Variants in PRKD1 observed in about 807,000 individuals in gnomAD.
The protein encoded by PRKD1 is serine/threonine-protein kinase D1.
In PRKD1, 63 loss-of-function variants were observed where a neutral mutation model predicts 95.9. The ratio of observed to expected loss-of-function variants is 0.66; its 90% confidence interval spans 0.54 to 0.81. PRKD1 has a LOEUF of 0.81. Ranked by LOEUF, PRKD1 falls within the 30% of genes least tolerant of loss-of-function variation. The pLI, the probability that PRKD1 is intolerant of heterozygous loss-of-function variation, is 0.00. For synonymous variants in PRKD1, 425 were observed against 423.1 expected (o/e 1.00, Z -0.05); for missense variants, 1,048 against 1,165.3 (o/e 0.90, Z 1.47).
At chr14:29,696,394 C>T (rs1250290210) in intron 2 of PRKD1, among the ~76,000 whole-genome samples, 2 of 152,084 alleles carry the variant, frequency 1.3e-5, no homozygotes, top group East Asian at 3.9e-4. Flanking sequence ...ATACGAAAAT[C>T]AAGTTTCCCA....
intron 1 of PRKD1, among the ~76,000 whole-genome samples, chr14:29,794,760 G>T (rs1889735538): frequency 6.6e-6 from 1 of 151,734 alleles, no homozygotes; most frequent in African/African-American, 2.4e-5. Flanking sequence ...CTTCGCTGCT[G>T]TATTTTATTT....
rs543868614 is a variant in PRKD1 at position 29,866,683 on chromosome 14, C to T, written c.264+60566G>A. On this transcript the variant is annotated intron_variant, in intron 1 of 17. Coordinates refer to ENST00000331968, the MANE Select transcript of PRKD1 (RefSeq NM_002742.3). ...TAGAAATGACTTCCAGGAGTTGATG[C>T]TTACAGGATGGATGGGATTTAGACA... Among the ~76,000 whole-genome samples the T allele has an allele frequency of 2.6e-5, 4 of 152,138 alleles. No individual in the cohort carries two copies. In the South Asian group the frequency reaches 8.3e-4, roughly 32 times the overall value.
intron 1 of PRKD1, among the ~76,000 whole-genome samples, chr14:29,900,775 CAAT>C (rs1258056683): frequency 2.6e-5 from 4 of 152,138 alleles, no homozygotes; most frequent in African/African-American, 9.7e-5. Context: ...ATCAAAACCA[CAAT>C]GAGATACCAT....
intron 16 of PRKD1, among the ~76,000 whole-genome samples, chr14:29,590,005 CA>C (rs1180663967): frequency 6.6e-6 from 1 of 152,110 alleles, no homozygotes; most frequent in African/African-American, 2.4e-5. Context: ...ATCTATGAAT[CA>C]GTGCTGGTCT....
At chr14:29,693,901 C>T (rs1884377153) in intron 2 of PRKD1, among the ~76,000 whole-genome samples, 1 of 152,164 alleles carries the variant, frequency 6.6e-6, no homozygotes, top group South Asian at 2.1e-4. Context: ...TAAGATTTTT[C>T]CATAGGCAGA....
At chr14:29,803,654 G>T (rs1468915549) in intron 1 of PRKD1, among the ~76,000 whole-genome samples, 1 of 152,172 alleles carries the variant, frequency 6.6e-6, no homozygotes. Flanking sequence ...GCATCTCATT[G>T]CATGTGAAAG....
At chr14:29,752,593 T>C (rs566153747) in intron 1 of PRKD1, among the ~76,000 whole-genome samples, 2 of 151,118 alleles carry the variant, frequency 1.3e-5, no homozygotes, top group East Asian at 1.9e-4. Context: ...ATATATATAA[T>C]TTCTGAAATG....
chr14:29,745,376 A>G (rs2139444413), intron 1 of PRKD1, among the ~76,000 whole-genome samples: 1 of 152,358 alleles, frequency 6.6e-6, no homozygotes, highest in East Asian at 1.9e-4. Flanking sequence ...TACACCGTAC[A>G]TGCTCAGTAT....
chr14:29,589,116 T>C (rs1438902520), intron 16 of PRKD1, among the ~76,000 whole-genome samples: 1 of 152,094 alleles, frequency 6.6e-6, no homozygotes, highest in Non-Finnish European at 1.5e-5. Flanking sequence ...AAATAGCAAC[T>C]TCTCTGGGAA....
At chr14:29,610,498 A>G (rs1878389395) in intron 13 of PRKD1, among the ~76,000 whole-genome samples, 1 of 152,216 alleles carries the variant, frequency 6.6e-6, no homozygotes, top group Non-Finnish European at 1.5e-5. Context: ...GAATTGCCAA[A>G]ATCTGGAACT....
intron 2 of PRKD1, among the ~76,000 whole-genome samples, chr14:29,688,973 A>AG (rs1884057554): frequency 6.9e-6 from 1 of 145,922 alleles, no homozygotes; most frequent in South Asian, 2.2e-4. Flanking sequence ...AAAAAAAAAA[A>AG]GAAAGAAAAA....
chr14:29,620,141 A>G (rs12432608), intron 13 of PRKD1, among the ~76,000 whole-genome samples: 67,162 of 148,320 alleles, frequency 0.45, 17,995 homozygotes, highest in East Asian at 0.67. Flanking sequence ...CTGAAACTGG[A>G]TCCCTTCCTT....
At chr14:29,798,955 G>A (rs1005592784) in intron 1 of PRKD1, among the ~76,000 whole-genome samples, 6 of 152,094 alleles carry the variant, frequency 3.9e-5, no homozygotes, top group South Asian at 2.1e-4. Context: ...CTGCAGGAGC[G>A]TAAAAGAGCA....
In PRKD1 at chr14:29,927,612, G is replaced by C; in HGVS notation, c.-100C>G. On this transcript the variant is annotated 5_prime_UTR_variant, in exon 1 of 18. Transcript: ENST00000331968. ...CTGAGCCAGGAGCTTCTTTCTCCGA[G>C]AGCCCAGACGGAAAATAAAAACTTT... 1 of 946,596 alleles carries C rather than the reference G, an allele frequency of 1.1e-6. No homozygotes were observed. The highest frequency in any genetic ancestry group is 1.3e-6 in the Non-Finnish European group (1 of 774,682). The allele number at this position is 946,596 out of a possible 1,614,324, so 58.6% of individuals were successfully genotyped here.
chr14:29,705,252 G>T (rs1885025814), intron 2 of PRKD1, among the ~76,000 whole-genome samples: 1 of 151,960 alleles, frequency 6.6e-6, no homozygotes, highest in Non-Finnish European at 1.5e-5. Flanking sequence ...ATATTCCACA[G>T]AACTTAAGCA....
intron 1 of PRKD1, among the ~76,000 whole-genome samples, chr14:29,765,106 A>T (rs922128437): frequency 6.6e-6 from 1 of 152,178 alleles, no homozygotes; most frequent in Non-Finnish European, 1.5e-5. Flanking sequence ...GCAAATATAG[A>T]TTATCTCTGT....
chr14:29,700,988 G>GCACACACACACACACACA (rs1555337072), intron 2 of PRKD1, among the ~76,000 whole-genome samples: 89 of 90,598 alleles, frequency 9.8e-4, no homozygotes, highest in South Asian at 3.0e-3. Context: ...GCGCGCGCGC[G>GCACACACACACACACACA]CACACACACA....
chr14:29,611,617 A>C (rs2139049820), intron 13 of PRKD1, among the ~76,000 whole-genome samples: 1 of 152,218 alleles, frequency 6.6e-6, no homozygotes, highest in South Asian at 2.1e-4. Context: ...AAAATTAATG[A>C]CTAACCCATA....
chr14:29,691,417 T>G (rs901278357), intron 2 of PRKD1, among the ~76,000 whole-genome samples: 1 of 152,194 alleles, frequency 6.6e-6, no homozygotes, highest in African/African-American at 2.4e-5. Flanking sequence ...CCCAAGTGAT[T>G]GTAATGAGCA....
Sources: gnomAD v4.1 joint callset for allele counts (sites outside exome capture counted in the v4.1 genomes callset) on GRCh38, gnomAD v4.1.1 for gene constraint, MANE v1.5 for transcripts, NCBI Gene and HGNC (gene_info 2026-07-23, HGNC 2026-07-21) for gene names.